RIN3: variants seen among roughly 807,000 people sequenced by gnomAD.
RIN3 encodes Ras and Rab interactor 3.
Under a neutral mutation model 76.3 loss-of-function variants are expected in RIN3, and 54 were observed. The ratio of observed to expected loss-of-function variants is 0.71; its 90% CI spans 0.57 to 0.89. The LOEUF (loss-of-function observed/expected upper bound fraction) is 0.89. Ranked by LOEUF, RIN3 falls within the 40% of genes least tolerant of loss-of-function variation. The pLI is 0.00. For synonymous variants in RIN3, 576 were observed against 564.0 expected (o/e 1.02, Z -0.30); for missense variants, 1,256 against 1,322.1 (o/e 0.95, Z 0.78).
intron 1 of RIN3, among the ~76,000 whole-genome samples, chr14:92,520,254 G>A (rs1896560682): frequency 6.6e-6 from 1 of 152,250 alleles, no homozygotes; most frequent in Non-Finnish European, 1.5e-5. Context: ...ACACACTCAG[G>A]CCACATCCTA....
At chr14:92,532,734 CA>C (rs1432476021) in intron 1 of RIN3, among the ~76,000 whole-genome samples, 3 of 152,308 alleles carry the variant, frequency 2.0e-5, no homozygotes, top group African/African-American at 7.2e-5. Context: ...CCACAGGTTG[CA>C]GGTACTCTTA....
At chr14:92,684,844 G>C (rs1888791534) in intron 8 of RIN3, 143 bp from the exon 9 acceptor site, 1 of 871,864 alleles carries the variant, frequency 1.1e-6, no homozygotes, top group South Asian at 1.6e-5. Flanking sequence ...GTTGAGCTCA[G>C]CTGTTGAAGC....
intron 4 of RIN3, among the ~76,000 whole-genome samples, chr14:92,618,099 T>G (rs1026506113): frequency 2.0e-5 from 3 of 152,190 alleles, no homozygotes; most frequent in African/African-American, 4.8e-5. Context: ...CCATTAAAGT[T>G]TTTTTTAACC....
At position 92,555,756 on chromosome 14, in the gene RIN3, T is replaced by C. The variant is rs772482427; in HGVS notation, c.50T>C (p.Val17Ala). 7.0e-5 allele frequency: 113 copies of C among 1,613,992 alleles called. No homozygotes were observed. Among genetic ancestry groups the C allele is most frequent in the Middle Eastern group, 1.6e-4 (1 of 6,080 alleles). ...APARGDPTGP[V>A]PVVGKGEEEE... ...CATTGAATTCTGTTTTTCAGTCCGG[T>C]TCCAGTTGTTGGCAAAGGAGAGGAA... Residue 17 changes from valine (V) to alanine (A), a missense_variant, in exon 2 of 10, where the codon GTT becomes GCT. Val to Ala is a moderately conservative substitution (Grantham distance 64, BLOSUM62 0). Transcript: ENST00000216487.
chr14:92,590,874 A>C (rs1242753299), intron 3 of RIN3, among the ~76,000 whole-genome samples: 1 of 152,148 alleles, frequency 6.6e-6, no homozygotes, highest in African/African-American at 2.4e-5. Flanking sequence ...TCATCATATC[A>C]CTAAAGGCCT....
In RIN3 at chr14:92,554,692, G is replaced by A. The variant is rs923086105; in HGVS notation, c.45-1059G>A. Among the ~76,000 whole-genome samples the A allele has an allele frequency of 3.9e-5, 6 of 152,338 alleles. No individual in the cohort carries two copies. The South Asian group carries it at 1.0e-3, about 26-fold the overall frequency. ...TCCCAGTACTTCGGGAGGCCGAGGT[G>A]GGTGGGTCACTTGAGGTCAGGAGTT... On this transcript the variant is annotated intron_variant, in intron 1 of 9. Transcript: ENST00000216487.
At chr14:92,523,111 T>C (rs1332769218) in intron 1 of RIN3, among the ~76,000 whole-genome samples, 1 of 152,166 alleles carries the variant, frequency 6.6e-6, no homozygotes, top group Non-Finnish European at 1.5e-5. Flanking sequence ...GTTTGTTTGT[T>C]TTATTTTATT....
intron 8 of RIN3, among the ~76,000 whole-genome samples, chr14:92,683,181 GA>G (rs1888729910): frequency 4.0e-5 from 6 of 151,750 alleles, no homozygotes; most frequent in South Asian, 2.1e-4. Context: ...AAAAAAAGAA[GA>G]AAAAAATCGT....
intron 1 of RIN3, among the ~76,000 whole-genome samples, chr14:92,552,454 GCC>G (rs1897454113): frequency 6.6e-6 from 1 of 152,192 alleles, no homozygotes; most frequent in Non-Finnish European, 1.5e-5. Flanking sequence ...CTAGCTGGAA[GCC>G]CAGCCCTGGG....
At chr14:92,545,976 A>G (rs1221313378) in intron 1 of RIN3, among the ~76,000 whole-genome samples, 1 of 151,226 alleles carries the variant, frequency 6.6e-6, no homozygotes, top group Non-Finnish European at 1.5e-5. Flanking sequence ...CCCAGGCCGG[A>G]GTGCAGTGGC....
At chr14:92,622,043 G>C (rs1048843259) in intron 4 of RIN3, among the ~76,000 whole-genome samples, 1 of 152,186 alleles carries the variant, frequency 6.6e-6, no homozygotes, top group African/African-American at 2.4e-5. Context: ...ACATTAACCA[G>C]GCTCCTTGCT....
chr14:92,579,247 C>T (rs1401765657), intron 3 of RIN3, among the ~76,000 whole-genome samples: 2 of 152,336 alleles, frequency 1.3e-5, no homozygotes, highest in African/African-American at 4.8e-5. Flanking sequence ...AATTTCTAAT[C>T]TTGTGGCTAA....
At chr14:92,651,198 AG>A (rs1887402360) in intron 5 of RIN3, among the ~76,000 whole-genome samples, 1 of 152,088 alleles carries the variant, frequency 6.6e-6, no homozygotes, top group Admixed American at 6.5e-5. Context: ...CAGGAATTCC[AG>A]GCCTTCCGTC....
intron 4 of RIN3, among the ~76,000 whole-genome samples, chr14:92,626,505 C>A (rs1466460988): frequency 6.6e-6 from 1 of 152,186 alleles, no homozygotes; most frequent in East Asian, 1.9e-4. Flanking sequence ...GGACACCTCT[C>A]TCAAAGGGAA....
chr14:92,620,326 A>G (rs1381492579), intron 4 of RIN3, among the ~76,000 whole-genome samples: 2 of 152,234 alleles, frequency 1.3e-5, no homozygotes, highest in Admixed American at 6.5e-5. Flanking sequence ...AATATTCACA[A>G]ACAGTTTACA....
intron 1 of RIN3, among the ~76,000 whole-genome samples, chr14:92,538,019 G>GT (rs1482179082): frequency 2.6e-5 from 4 of 152,028 alleles, no homozygotes; most frequent in African/African-American, 9.7e-5. Context: ...TAGAGACGGG[G>GT]TTTCACCATG....
intron 4 of RIN3, among the ~76,000 whole-genome samples, chr14:92,622,649 G>C (rs772866656): frequency 2.6e-5 from 4 of 152,178 alleles, no homozygotes; most frequent in Non-Finnish European, 4.4e-5. Flanking sequence ...GGGTCAGACC[G>C]CACAATCTAG....
At chr14:92,633,650 T>C (rs1886667418) in intron 4 of RIN3, among the ~76,000 whole-genome samples, 2 of 152,198 alleles carry the variant, frequency 1.3e-5, no homozygotes, top group African/African-American at 4.8e-5. Context: ...AGTGTCAGAA[T>C]TGAGCTGAAT....
chr14:92,639,494 G>A (rs998145472), intron 4 of RIN3, among the ~76,000 whole-genome samples: 3 of 152,242 alleles, frequency 2.0e-5, no homozygotes, highest in African/African-American at 7.2e-5. Context: ...AATGAGGAAG[G>A]AGCGGGAGAC....
Sources: gnomAD v4.1 joint callset for allele counts (sites outside exome capture counted in the v4.1 genomes callset) on GRCh38, gnomAD v4.1.1 for gene constraint, MANE v1.5 for transcripts, NCBI Gene and HGNC (gene_info 2026-07-23, HGNC 2026-07-21) for gene names.